CDK13: variants seen among roughly 807,000 people sequenced by gnomAD.
CDK13 encodes cyclin-dependent kinase 13.
CDK13 carries 40 observed loss-of-function variants against 137.6 expected under a neutral mutation model. The ratio of observed to expected loss-of-function variants is 0.29; its 90% CI spans 0.23 to 0.38. The LOEUF (loss-of-function observed/expected upper bound fraction) is 0.38. Ranked by LOEUF, CDK13 falls within the 10% of genes least tolerant of loss-of-function variation. CDK13 has a pLI of 1.00. For synonymous variants in CDK13, 869 were observed against 760.1 expected (o/e 1.14, Z -2.36); for missense variants, 1,704 against 1,951.8 (o/e 0.87, Z 2.39).
At chr7:39,953,696 A>G (rs1017999690) in intron 1 of CDK13, among the ~76,000 whole-genome samples, 2 of 152,218 alleles carry the variant, frequency 1.3e-5, no homozygotes, top group African/African-American at 4.8e-5. Context: ...GGACCGTTCA[A>G]CACATAATCT....
chr7:40,056,906 C>T (rs558792786), intron 7 of CDK13, among the ~76,000 whole-genome samples: 7 of 152,324 alleles, frequency 4.6e-5, no homozygotes, highest in African/African-American at 1.2e-4. Context: ...AAGAGAACCA[C>T]AAAAGTTAGT....
chr7:40,020,289 A>G (rs1009474104), intron 5 of CDK13, among the ~76,000 whole-genome samples: 2 of 152,108 alleles, frequency 1.3e-5, no homozygotes, highest in Non-Finnish European at 2.9e-5. Context: ...ACTGGTCTCC[A>G]ACTCCTAGGC....
chr7:39,962,700 C>A (rs1414382672), intron 1 of CDK13, among the ~76,000 whole-genome samples: 1 of 152,124 alleles, frequency 6.6e-6, no homozygotes, highest in African/African-American at 2.4e-5. Context: ...GACATGAAGT[C>A]CTTGCCCATG....
intron 5 of CDK13, among the ~76,000 whole-genome samples, chr7:40,021,104 T>TACAC (rs1491265610): frequency 3.4e-4 from 5 of 14,638 alleles, no homozygotes; most frequent in Non-Finnish European, 1.7e-3. Context: ...CAAACAAACG[T>TACAC]ATATATATAT....
chr7:40,046,032 G>T lies in CDK13; in HGVS notation c.2543+7G>T, dbSNP rs367811791. 5.5e-6 allele frequency: 8 copies of T among 1,462,818 alleles called. No individual in the cohort carries two copies. The highest frequency in any genetic ancestry group is 1.4e-5 in the African/African-American group (1 of 71,062). The allele number at this position is 1,462,818 out of a possible 1,614,324, so 90.6% of individuals were successfully genotyped here. On this transcript the variant is annotated splice_region_variant and intron_variant, in intron 6 of 13. Transcript: ENST00000181839. ...ATATCCTTCTAAATAATAGGTATGGGTATGAACTTTATATATATTTAAAAT... is the reference window on the plus strand; with the variant it reads ...ATATCCTTCTAAATAATAGGTATGGTTATGAACTTTATATATATTTAAAAT...
At chr7:40,052,252 C>T (rs2150520477) in intron 7 of CDK13, among the ~76,000 whole-genome samples, 1 of 151,770 alleles carries the variant, frequency 6.6e-6, no homozygotes, top group East Asian at 1.9e-4. Flanking sequence ...TCTCGGCTCA[C>T]TGCAACCTCC....
At chr7:39,957,132 T>TGTGTGTGTG (rs1787432278) in intron 1 of CDK13, among the ~76,000 whole-genome samples, 1 of 144,804 alleles carries the variant, frequency 6.9e-6, no homozygotes, top group African/African-American at 2.6e-5. Context: ...TGTGTGTGTG[T>TGTGTGTGTG]TTTGGTAGAG....
intron 7 of CDK13, among the ~76,000 whole-genome samples, chr7:40,056,340 A>T (rs1158454990): frequency 1.3e-5 from 2 of 152,216 alleles, no homozygotes; most frequent in African/African-American, 4.8e-5. Context: ...TTTTTAAAAA[A>T]TAGTTTATTA....
At chr7:40,031,803 G>A (rs979218005) in intron 5 of CDK13, among the ~76,000 whole-genome samples, 2 of 145,894 alleles carry the variant, frequency 1.4e-5, no homozygotes, top group Admixed American at 6.9e-5. Flanking sequence ...TCACCACCAA[G>A]CTCGGCTAAT....
At chr7:40,037,784 A>G (rs1256099947) in intron 5 of CDK13, among the ~76,000 whole-genome samples, 2 of 152,208 alleles carry the variant, frequency 1.3e-5, no homozygotes, top group African/African-American at 2.4e-5. Context: ...TACCATATAC[A>G]TGTAATAATT....
chr7:40,061,736 G>A (rs3800802), intron 7 of CDK13: 36,912 of 152,088 alleles, frequency 0.24, 5,228 homozygotes, highest in South Asian at 0.41. Context: ...AACCTCCTCT[G>A]ACTACTTAGG....
intron 1 of CDK13, among the ~76,000 whole-genome samples, chr7:39,961,905 C>A (rs1583911237): frequency 6.6e-6 from 1 of 152,104 alleles, no homozygotes; most frequent in African/African-American, 2.4e-5. Context: ...TTTGTCCTTG[C>A]AATAGTTTGC....
At chr7:40,019,848 G>C (rs116838695) in intron 5 of CDK13, among the ~76,000 whole-genome samples, 2,578 of 152,216 alleles carry the variant, frequency 0.017, 70 homozygotes, top group African/African-American at 0.059. Flanking sequence ...TTTAGGGTTG[G>C]TTGATTTAGT....
intron 5 of CDK13, among the ~76,000 whole-genome samples, chr7:40,030,274 TAGAGAG>T (rs70996874): frequency 4.7e-5 from 7 of 147,450 alleles, no homozygotes; most frequent in Non-Finnish European, 8.9e-5. Context: ...TATATATATA[TAGAGAG>T]AGAGAGAGAG....
At chr7:39,967,388 C>T (rs542381848) in intron 1 of CDK13, among the ~76,000 whole-genome samples, 14 of 151,952 alleles carry the variant, frequency 9.2e-5, no homozygotes, top group Admixed American at 2.6e-4. Flanking sequence ...GATCGCGCCA[C>T]GCCTCTGCAC....
rs564176899 is a variant in CDK13, at chr7:40,092,924, G to C, written c.3375G>C (p.Gln1125His). 3.1e-5 allele frequency: 50 copies of C among 1,614,146 alleles called. No homozygotes were observed. The Admixed American group carries it at 6.8e-4, about 22-fold the overall frequency. Residue 1125 changes from glutamine (Q) to histidine (H), a missense_variant, in exon 13 of 14, where the codon CAG becomes CAC. Physicochemically the swap from Gln to His is conservative, Grantham distance 24. Around this residue, in one of 5 missense-constraint regions of CDK13, gnomAD observed 475 missense variants for 579.3 expected, o/e 0.82. Coordinates refer to ENST00000181839, the MANE Select transcript of CDK13 (RefSeq NM_003718.5). The part of the protein sequence containing the change: ...NIKVNSETQQ[Q>H]LNKINLPAGI... ...AGGTAAACTCTGAGACTCAACAGCA[G>C]CTAAATAAAATAAACCTTCCTGCTG...
intron 11 of CDK13, among the ~76,000 whole-genome samples, chr7:40,085,524 C>T (rs1273069971): frequency 6.6e-6 from 1 of 152,110 alleles, no homozygotes; most frequent in Non-Finnish European, 1.5e-5. Flanking sequence ...GGAATCACTC[C>T]AGTTACCCCA....
intron 2 of CDK13, among the ~76,000 whole-genome samples, chr7:39,990,912 G>C (rs1283498398): frequency 1.1e-4 from 16 of 152,140 alleles, no homozygotes; most frequent in Non-Finnish European, 2.9e-5. Flanking sequence ...AACTGCTTTA[G>C]ATTATTGAAA....
At chr7:39,988,466 A>G (rs1784388535) in intron 2 of CDK13, among the ~76,000 whole-genome samples, 1 of 152,082 alleles carries the variant, frequency 6.6e-6, no homozygotes, top group African/African-American at 2.4e-5. Flanking sequence ...ACATTCAGGG[A>G]AAAATTGCCA....
Sources: gnomAD v4.1 joint callset for allele counts (sites outside exome capture counted in the v4.1 genomes callset) on GRCh38, gnomAD v4.1.1 for gene constraint, gnomAD v4.1.1 regional missense constraint, MANE v1.5 for transcripts, NCBI Gene and HGNC (gene_info 2026-07-23, HGNC 2026-07-21) for gene names.